The following PDE1C variants were observed in gnomAD, a reference collection of about 807,000 sequenced individuals.
The protein encoded by PDE1C is phosphodiesterase 1C.
Under a neutral mutation model 93.1 loss-of-function variants are expected in PDE1C, and 62 were observed. That is an observed-to-expected ratio of 0.67 (90% CI 0.54 to 0.82). The LOEUF is 0.82. Among genes scored for constraint, PDE1C ranks in the 40% least tolerant of loss-of-function variants. The pLI is 0.00. For missense variants in PDE1C, 742 were observed against 884.6 expected (o/e 0.84, Z 2.04); for synonymous variants, 325 against 310.1 (o/e 1.05, Z -0.50).
At chr7:32,339,788 G>C (rs1010733741) in intron 1 of PDE1C, among the ~76,000 whole-genome samples, 4 of 152,142 alleles carry the variant, frequency 2.6e-5, no homozygotes, top group African/African-American at 7.2e-5. Flanking sequence ...AGGGGATGGG[G>C]TCAAGGTTGG....
chr7:31,973,813 A>C (rs1302601988), intron 2 of PDE1C, among the ~76,000 whole-genome samples: 1 of 152,162 alleles, frequency 6.6e-6, no homozygotes, highest in Non-Finnish European at 1.5e-5. Context: ...GATGCCTGGA[A>C]GTGGTCTAGT....
intron 1 of PDE1C, among the ~76,000 whole-genome samples, chr7:32,294,872 G>A (rs751308019): frequency 9.2e-5 from 14 of 152,152 alleles, no homozygotes; most frequent in South Asian, 2.1e-4. Flanking sequence ...ATTACTTGCC[G>A]CAATCATAAT....
intron 2 of PDE1C, among the ~76,000 whole-genome samples, chr7:31,928,905 T>C (rs567317537): frequency 3.0e-4 from 45 of 152,294 alleles, no homozygotes; most frequent in Non-Finnish European, 6.0e-4. Context: ...GCTAGCATCA[T>C]GATGACAGGA....
chr7:31,628,150 A>G, the PDE1C span, among the ~76,000 whole-genome samples: 5 of 152,232 alleles, frequency 3.3e-5, no homozygotes, highest in Admixed American at 2.0e-4. Context: ...GACGGCAGCC[A>G]TTTTCAAAAA....
Position 32,149,996 on chromosome 7 carries a change from A to C in PDE1C, c.308+19789T>G, listed in dbSNP as rs114580817. ...AATCAAGGAGATAATCTCTATCTCTAAGTTGTTGATCTAAGTTCCTGGGTG... is the reference window on the plus strand; with the variant it reads ...AATCAAGGAGATAATCTCTATCTCTCAGTTGTTGATCTAAGTTCCTGGGTG... On this transcript the variant is annotated intron_variant, in intron 3 of 18. Transcript: ENST00000396193. Among the ~76,000 whole-genome samples, 518 of 152,280 alleles carry C rather than the reference A, an allele frequency of 3.4e-3. 4 individuals are homozygous for C. Among genetic ancestry groups the C allele is most frequent in the African/African-American group, 0.012 (500 of 41,562 alleles).
chr7:32,169,124 C>G (rs1426608846), intron 3 of PDE1C, among the ~76,000 whole-genome samples: 1 of 151,792 alleles, frequency 6.6e-6, no homozygotes, highest in African/African-American at 2.4e-5. Flanking sequence ...TCTGAAAGAC[C>G]CATTTGGGGA....
chr7:32,153,491 C>T (rs1801384660), intron 3 of PDE1C, among the ~76,000 whole-genome samples: 1 of 152,156 alleles, frequency 6.6e-6, no homozygotes, highest in African/African-American at 2.4e-5. Flanking sequence ...AAGAGAAGGT[C>T]AAGGGGGAGC....
At chr7:31,888,746 TG>T (rs1798269681) in intron 2 of PDE1C, among the ~76,000 whole-genome samples, 1 of 152,058 alleles carries the variant, frequency 6.6e-6, no homozygotes, top group Non-Finnish European at 1.5e-5. Context: ...GAATATTGTA[TG>T]GGAAGTCTTC....
intron 7 of PDE1C, among the ~76,000 whole-genome samples, chr7:31,859,841 C>T (rs539292394): frequency 6.6e-6 from 1 of 152,138 alleles, no homozygotes; most frequent in African/African-American, 2.4e-5. Context: ...TGTGTATATA[C>T]ATGTGCTATG....
intron 2 of PDE1C, among the ~76,000 whole-genome samples, chr7:31,938,516 C>T (rs1264297289): frequency 6.6e-6 from 1 of 152,054 alleles, no homozygotes; most frequent in Non-Finnish European, 1.5e-5. Flanking sequence ...GATATTTACT[C>T]TTAGAATACT....
chr7:31,695,546 C>A, the PDE1C span: 6 of 1,613,846 alleles, frequency 3.7e-6, no homozygotes, highest in Admixed American at 5.0e-5. Flanking sequence ...ACAGGCCACC[C>A]TGAATGTTGA....
intron 1 of PDE1C, among the ~76,000 whole-genome samples, chr7:32,355,539 C>A (rs1784014417): frequency 6.6e-6 from 1 of 152,048 alleles, no homozygotes; most frequent in African/African-American, 2.4e-5. Flanking sequence ...GTTTCTGCTT[C>A]CCCCCAAATC....
At chr7:31,694,964 AG>A in the PDE1C span, among the ~76,000 whole-genome samples, 1 of 152,200 alleles carries the variant, frequency 6.6e-6, no homozygotes. Flanking sequence ...ACAAAACCCA[AG>A]GTCTGGATCA....
chr7:31,634,002 G>T, the PDE1C span, among the ~76,000 whole-genome samples: 2 of 152,130 alleles, frequency 1.3e-5, no homozygotes, highest in African/African-American at 4.8e-5. Flanking sequence ...GACCAGCCCA[G>T]CCCAGAAAAG....
chr7:31,653,121 C>A, the PDE1C span: 1 of 505,076 alleles, frequency 2.0e-6, no homozygotes, highest in Non-Finnish European at 3.0e-6. Context: ...GATAGAATTG[C>A]AAACAAAAAG....
intron 2 of PDE1C, among the ~76,000 whole-genome samples, chr7:32,002,525 T>C (rs1174814535): frequency 6.6e-6 from 1 of 152,188 alleles, no homozygotes. Context: ...GGGGATTAAA[T>C]GAGAGTATAG....
chr7:31,787,686 A>T (rs1321504027), intron 16 of PDE1C: 2 of 152,192 alleles, frequency 1.3e-5, no homozygotes, highest in African/African-American at 4.8e-5. Context: ...TGTAAACCAG[A>T]GTAAGATGCC....
chr7:32,358,711 A>AT (rs1298792428), intron 1 of PDE1C, among the ~76,000 whole-genome samples: 11 of 152,164 alleles, frequency 7.2e-5, no homozygotes, highest in African/African-American at 2.4e-4. Flanking sequence ...AGAACTTACT[A>AT]TTGTTCCCAT....
intron 2 of PDE1C, among the ~76,000 whole-genome samples, chr7:31,966,872 T>C (rs961156655): frequency 4.8e-4 from 73 of 152,088 alleles, no homozygotes; most frequent in Admixed American, 1.2e-3. Flanking sequence ...GGGTACATAA[T>C]GAAATGAAGG....
Sources: allele counts gnomAD v4.1 joint callset (sites outside exome capture counted in the v4.1 genomes callset), GRCh38; gene constraint gnomAD v4.1.1; transcripts MANE v1.5; gene names NCBI Gene and HGNC (gene_info 2026-07-23, HGNC 2026-07-21).